The following DHH variants were observed in gnomAD, a reference collection of about 807,000 sequenced individuals.
DHH encodes the protein desert hedgehog signaling molecule, also known as desert hedgehog protein.
A neutral mutation model predicts 27.6 loss-of-function variants in DHH; 16 were observed. That is an observed-to-expected ratio of 0.58 (90% CI 0.39 to 0.88). The LOEUF (loss-of-function observed/expected upper bound fraction) is 0.88. Among genes scored for constraint, DHH ranks in the 40% least tolerant of loss-of-function variants. The pLI, the probability that DHH is intolerant of heterozygous loss-of-function variation, is 0.00. For synonymous variants in DHH, 289 were observed against 263.4 expected (o/e 1.10, Z -0.94); for missense variants, 436 against 563.1 (o/e 0.77, Z 2.28).
In DHH at chr12:49,091,579, A is replaced by G. The variant is rs961707516; in HGVS notation, c.304-190T>C. The stretch of plus-strand genomic sequence containing the variant: ...CACTCTGTTCCCAGGACGTCGTTGG[A>G]GAACTGTGGGCTCACCTCTGAGGTT... On this transcript the variant is annotated intron_variant, in intron 1 of 2. Transcript: ENST00000649637. This position sits in a 1 kb window ranked among gnomAD's most constrained non-coding sequence, Gnocchi z 4.8. Among the ~76,000 whole-genome samples, 1 of 152,176 alleles carries G rather than the reference A, an allele frequency of 6.6e-6. No homozygotes were observed. Among genetic ancestry groups the G allele is most frequent in the Non-Finnish European group, 1.5e-5 (1 of 68,034 alleles).
Position 49,086,856 on chromosome 12 carries a change from G to A in DHH, c.*3003C>T, listed in dbSNP as rs1023680522. 2.6e-5 allele frequency among the ~76,000 whole-genome samples: 4 copies of A among 152,208 alleles called. No individual in the cohort carries two copies. Among genetic ancestry groups the A allele is most frequent in the African/African-American group, 2.4e-5 (1 of 41,444 alleles). ...GCTAGTATACCTCCAGCTTCTGAAA[G>A]TGCTGTGACAAAACCCCAGAAAGTT... On this transcript the variant is annotated 3_prime_UTR_variant, in exon 3 of 3. Transcript: ENST00000649637.
intron 1 of DHH, chr12:49,092,221 C>T (rs1939316474): frequency 6.6e-6 from 1 of 152,592 alleles, no homozygotes; most frequent in South Asian, 2.1e-4. Context: ...CCAGCTAAGG[C>T]TCTGCCAGTC....
Position 49,094,281 on chromosome 12 carries a change from C to A in DHH, c.232G>T (p.Val78Leu), listed in dbSNP as rs199552954. The part of the protein sequence containing the change: ...ARGSERFRDL[V>L]PNYNPDIIFK... ...ATGATGTCGGGGTTGTAGTTGGGCA[C>A]GAGGTCCCGGAAGCGCTCGGAGCCC... The change falls in exon 1 of 3, where the codon GTG becomes TTG. Residue 78 changes from valine to leucine, a missense_variant. Val to Leu is a conservative substitution (Grantham distance 32). Coordinates refer to ENST00000649637, the MANE Select transcript of DHH (RefSeq NM_021044.4). The A allele has an allele frequency of 1.2e-6, 2 of 1,613,490 alleles. No individual in the cohort carries two copies. The highest frequency in any genetic ancestry group is 3.3e-5 in the Admixed American group (2 of 60,026).
At position 49,090,124 on chromosome 12, in the gene DHH, C is replaced by G; in HGVS notation, c.926G>C (p.Arg309Pro). Residue 309 changes from arginine to proline, a missense_variant, in exon 3 of 3, where the codon CGG becomes CCG. Coordinates refer to ENST00000649637, the MANE Select transcript of DHH (RefSeq NM_021044.4). This position sits in a 1 kb window ranked among gnomAD's most constrained non-coding sequence, Gnocchi z 5.2. ...CGCCACACGGGCCACGCGCGCTGGCCGAAGCGCATCCCCGCCGGGCGCCAG... is the reference window on the plus strand; with the variant it reads ...CGCCACACGGGCCACGCGCGCTGGCGGAAGCGCATCCCCGCCGGGCGCCAG... The part of the protein sequence containing the change: ...SVLAPGGDAL[R>P]PARVARVARE... 1.3e-6 allele frequency: 2 copies of G among 1,507,190 alleles called. No individual in the cohort carries two copies. The highest frequency in any genetic ancestry group is 1.8e-6 in the Non-Finnish European group (2 of 1,128,852). The allele number at this position is 1,507,190 out of a possible 1,614,324, so 93.4% of individuals were successfully genotyped here.
In DHH at chr12:49,090,471, C is replaced by T; in HGVS notation, c.579G>A (p.Ala193=). 1.2e-6 allele frequency: 2 copies of T among 1,602,190 alleles called. No individual in the cohort carries two copies. Among genetic ancestry groups the T allele is most frequent in the South Asian group, 1.1e-5 (1 of 90,876 alleles). Residue 193 remains alanine (A), a synonymous_variant, in exon 3 of 3, where the codon GCG becomes GCA. Transcript: ENST00000649637. The surrounding 1 kb of genome is among the most constrained non-coding windows in gnomAD (Gnocchi z 5.2). ...HVSVKADNSL[A]VRAGGCFPGN... Reference sequence around the variant, plus strand: ...CCGGAAAGCAGCCGCCCGCCCGGACCGCCAGTGAGTTATCTGCAGGGAACA... The same window carrying T: ...CCGGAAAGCAGCCGCCCGCCCGGACTGCCAGTGAGTTATCTGCAGGGAACA...
chr12:49,089,635 A>T lies in DHH; in HGVS notation c.*224T>A. ...GCTGAAGCACTGGGGGAGAGGCTAA[A>T]TAGTCCTCTTTAAGGAGTGCGCACC... On this transcript the variant is annotated 3_prime_UTR_variant, in exon 3 of 3. Transcript: ENST00000649637. 1 of 428,590 alleles carries T rather than the reference A, an allele frequency of 2.3e-6. No homozygotes were observed. Among genetic ancestry groups the T allele is most frequent in the Non-Finnish European group, 4.0e-6 (1 of 247,122 alleles). 26.5% of individuals were successfully genotyped at this position (428,590 alleles called of 1,614,324 possible).
At position 49,087,633 on chromosome 12, in the gene DHH, G is replaced by A. The variant is rs747370876; in HGVS notation, c.*2226C>T. ...TGGGAGGATTGCTTGAGCCCAGGAGGTTGAAGCTACAGGGGACCAAGGTCA... is the reference window on the plus strand; with the variant it reads ...TGGGAGGATTGCTTGAGCCCAGGAGATTGAAGCTACAGGGGACCAAGGTCA... On this transcript the variant is annotated 3_prime_UTR_variant, in exon 3 of 3. Transcript: ENST00000649637. Among the ~76,000 whole-genome samples the A allele has an allele frequency of 1.0e-3, 154 of 152,280 alleles. 1 individual carries two copies. The highest frequency in any genetic ancestry group is 1.7e-3 in the Non-Finnish European group (116 of 68,014).
At position 49,088,639 on chromosome 12, in the gene DHH, G is replaced by A. The variant is rs186549649; in HGVS notation, c.*1220C>T. Among the ~76,000 whole-genome samples, 2 of 152,108 alleles carry A rather than the reference G, an allele frequency of 1.3e-5. No individual in the cohort carries two copies. Among genetic ancestry groups the A allele is most frequent in the African/African-American group, 4.8e-5 (2 of 41,404 alleles). On this transcript the variant is annotated 3_prime_UTR_variant, in exon 3 of 3. Coordinates refer to ENST00000649637, the MANE Select transcript of DHH (RefSeq NM_021044.4). ...GGGCACCTGCCTGCCTGGATTCCAG[G>A]TGTCTACTGCGTTGGAACCTAAAGG...
At chr12:49,093,676 C>T (rs896188785) in intron 1 of DHH, among the ~76,000 whole-genome samples, 3 of 152,168 alleles carry the variant, frequency 2.0e-5, no homozygotes, top group Non-Finnish European at 4.4e-5. Flanking sequence ...TTCTAGGACA[C>T]GTTTCCCATG....
Position 49,089,052 on chromosome 12 carries a change from C to G in DHH, c.*807G>C, listed in dbSNP as rs1165379312. On this transcript the variant is annotated 3_prime_UTR_variant, in exon 3 of 3. Coordinates refer to ENST00000649637, the MANE Select transcript of DHH (RefSeq NM_021044.4). ...CACCAAGGTAGGATGGGGACCAGGA[C>G]TACTGGCTAACAATAGGGGACTAGA... Among the ~76,000 whole-genome samples, 1 of 152,244 alleles carries G rather than the reference C, an allele frequency of 6.6e-6. No homozygotes were observed. The highest frequency in any genetic ancestry group is 1.5e-5 in the Non-Finnish European group (1 of 68,044).
chr12:49,091,227 G>T lies in DHH; in HGVS notation c.466C>A (p.Arg156Ser), dbSNP rs757615947. The stretch of plus-strand genomic sequence containing the variant: ...CGCGCCAGCAACCCATACTTGTTGC[G>T]GTCGCGGTCAGACGTAGTGATGTCC... ...ALDITTSDRD[R>S]NKYGLLARLA... Residue 156 changes from arginine to serine, a missense_variant, in exon 2 of 3, where the codon CGC (arginine) becomes AGC (serine). Coordinates refer to ENST00000649637, the MANE Select transcript of DHH (RefSeq NM_021044.4). This position sits in a 1 kb window ranked among gnomAD's most constrained non-coding sequence, Gnocchi z 4.8. The T allele has an allele frequency of 6.2e-7, 1 of 1,614,250 alleles. No homozygotes were observed. Among genetic ancestry groups the T allele is most frequent in the Non-Finnish European group, 8.5e-7 (1 of 1,180,044 alleles).
rs959462350 is a variant in DHH at position 49,091,611 on chromosome 12, G to A, written c.304-222C>T. Among the ~76,000 whole-genome samples the A allele has an allele frequency of 6.6e-6, 1 of 152,284 alleles. No homozygotes were observed. The highest frequency in any genetic ancestry group is 2.4e-5 in the African/African-American group (1 of 41,558). ...TGGGCTCACCTCTGAGGTTGAGAGG[G>A]GGTGCCCATACCTAGCTCCTTCCCC... On this transcript the variant is annotated intron_variant, in intron 1 of 2. Coordinates refer to ENST00000649637, the MANE Select transcript of DHH (RefSeq NM_021044.4). The surrounding 1 kb of genome is among the most constrained non-coding windows in gnomAD (Gnocchi z 4.8).
rs949842122 is a variant in DHH, at chr12:49,089,214, T to C, written c.*645A>G. 6.6e-6 allele frequency among the ~76,000 whole-genome samples: 1 copy of C among 152,232 alleles called. No individual in the cohort carries two copies. The highest frequency in any genetic ancestry group is 6.5e-5 in the Admixed American group (1 of 15,284). ...GCAGGAGCGAAATGCTGGTCCTCTC[T>C]GGATGGGAGACGGAAACAGCAGCCT... On this transcript the variant is annotated 3_prime_UTR_variant, in exon 3 of 3. Transcript: ENST00000649637.
rs139616646 is a variant in DHH at position 49,088,522 on chromosome 12, C to A, written c.*1337G>T. 1.3e-5 allele frequency among the ~76,000 whole-genome samples: 2 copies of A among 152,268 alleles called. No individual in the cohort carries two copies. Among genetic ancestry groups the A allele is most frequent in the Non-Finnish European group, 2.9e-5 (2 of 68,006 alleles). ...AGCTCCGGGTGGTACCAACAACCCCCGACTATTTCCTCCTCCCCGCCTCAC... is the reference window on the plus strand; with the variant it reads ...AGCTCCGGGTGGTACCAACAACCCCAGACTATTTCCTCCTCCCCGCCTCAC... On this transcript the variant is annotated 3_prime_UTR_variant, in exon 3 of 3. Coordinates refer to ENST00000649637, the MANE Select transcript of DHH (RefSeq NM_021044.4).
In DHH at chr12:49,091,300, C is replaced by G. The variant is rs771805101; in HGVS notation, c.393G>C (p.Glu131Asp). ...VRLRVTEGWD[E>D]DGHHAQDSLH... Reference sequence around the variant, plus strand: ...GTGAATCCTGAGCGTGGTGGCCGTCCTCGTCCCAGCCCTCAGTCACTCGTA... The same window carrying G: ...GTGAATCCTGAGCGTGGTGGCCGTCGTCGTCCCAGCCCTCAGTCACTCGTA... Residue 131 changes from glutamate (E) to aspartate (D), a missense_variant, in exon 2 of 3, where the codon GAG (glutamate) becomes GAC (aspartate). Physicochemically the swap from Glu to Asp is conservative, Grantham distance 45. Coordinates refer to ENST00000649637, the MANE Select transcript of DHH (RefSeq NM_021044.4). The surrounding 1 kb of genome is among the most constrained non-coding windows in gnomAD (Gnocchi z 4.8). 10 of 1,614,222 alleles carry G rather than the reference C, an allele frequency of 6.2e-6. No individual in the cohort carries two copies. The South Asian group carries it at 9.9e-5, about 16-fold the overall frequency.
chr12:49,092,775 A>G (rs570972641), intron 1 of DHH: 1 of 152,398 alleles, frequency 6.6e-6, no homozygotes, highest in Admixed American at 6.5e-5. Context: ...GGGGGCTCCC[A>G]GGCCTGCCGG....
At position 49,090,105 on chromosome 12, in the gene DHH, A is replaced by ACGGGCCACG. The variant is rs912310948; in HGVS notation, c.936_944dup (p.Val316_Arg318dup). ...CGCCCACGGCTTCCTCCCGCGCCACACGGGCCACGCGCGCTGGCCGAAGCG... is the reference window on the plus strand; with the variant it reads ...CGCCCACGGCTTCCTCCCGCGCCACACGGGCCACGCGGGCCACGCGCGCTGGCCGAAGCG... On this transcript the variant is annotated inframe_insertion, in exon 3 of 3. Coordinates refer to ENST00000649637, the MANE Select transcript of DHH (RefSeq NM_021044.4). The surrounding 1 kb of genome is among the most constrained non-coding windows in gnomAD (Gnocchi z 5.2). 1.6e-5 allele frequency: 25 copies of ACGGGCCACG among 1,522,926 alleles called. No individual in the cohort carries two copies. Among genetic ancestry groups the ACGGGCCACG allele is most frequent in the Non-Finnish European group, 2.0e-5 (23 of 1,135,556 alleles). The allele number at this position is 1,522,926 out of a possible 1,614,324, so 94.3% of individuals were successfully genotyped here.
rs1423248073 is a variant in DHH, at chr12:49,088,644, T to C, written c.*1215A>G. Among the ~76,000 whole-genome samples the C allele has an allele frequency of 6.6e-6, 1 of 152,162 alleles. No homozygotes were observed. The highest frequency in any genetic ancestry group is 1.5e-5 in the Non-Finnish European group (1 of 68,024). On this transcript the variant is annotated 3_prime_UTR_variant, in exon 3 of 3. Transcript: ENST00000649637. The stretch of plus-strand genomic sequence containing the variant: ...CCTGCCTGCCTGGATTCCAGGTGTC[T>C]ACTGCGTTGGAACCTAAAGGTTCCA...
Position 49,089,778 on chromosome 12 carries a change from C to T in DHH, c.*81G>A. ...CCTCTCCCTCCCTTCCAGTCGGCAT[C>T]GTCTGCTGCCCACAGCCCCATATCT... On this transcript the variant is annotated 3_prime_UTR_variant, in exon 3 of 3. Transcript: ENST00000649637. 1.4e-6 allele frequency: 2 copies of T among 1,420,000 alleles called. No individual in the cohort carries two copies. The highest frequency in any genetic ancestry group is 9.2e-7 in the Non-Finnish European group (1 of 1,082,782). The allele number at this position is 1,420,000 out of a possible 1,614,324, so 88.0% of individuals were successfully genotyped here. A position where few individuals can be genotyped will look rare whatever the true frequency, so the allele number is the denominator to read the frequency against.
Sources: allele counts gnomAD v4.1 joint callset (sites outside exome capture counted in the v4.1 genomes callset), GRCh38; gene constraint gnomAD v4.1.1; non-coding constraint Gnocchi (gnomAD v3.1); transcripts MANE v1.5; gene names NCBI Gene and HGNC (gene_info 2026-07-23, HGNC 2026-07-21).